The following INPP4B variants were observed in gnomAD, a reference collection of about 807,000 sequenced individuals.
INPP4B encodes the protein inositol polyphosphate 4-phosphatase type II.
In INPP4B, 55 loss-of-function variants were observed where a neutral mutation model predicts 122.5. The ratio of observed to expected loss-of-function variants is 0.45; its 90% CI spans 0.36 to 0.56. The LOEUF is 0.56. Ranked by LOEUF, INPP4B falls within the 20% of genes least tolerant of loss-of-function variation. INPP4B has a pLI of 0.00. For synonymous variants in INPP4B, 403 were observed against 388.7 expected, an observed-to-expected ratio of 1.04 and a Z score of -0.43; for missense variants, 1,000 against 1,097.7, an observed-to-expected ratio of 0.91 and a Z score of 1.26.
chr4:142,263,639 A>AATATATATATATATATATATAT (rs36227189), intron 10 of INPP4B, among the ~76,000 whole-genome samples: 1 of 41,838 alleles, frequency 2.4e-5, no homozygotes, highest in African/African-American at 5.6e-5. Flanking sequence ...AAATTCGTAA[A>AATATATATATATATATATATAT]ATATATATAT....
At chr4:142,319,187 G>T (rs933282905) in intron 7 of INPP4B, among the ~76,000 whole-genome samples, 1 of 152,136 alleles carries the variant, frequency 6.6e-6, no homozygotes, top group African/African-American at 2.4e-5. Flanking sequence ...TCTGCTCATT[G>T]GTAGGTGAGG....
At chr4:142,293,998 C>G (rs1334971201) in intron 9 of INPP4B, among the ~76,000 whole-genome samples, 1 of 152,040 alleles carries the variant, frequency 6.6e-6, no homozygotes, top group South Asian at 2.1e-4. Flanking sequence ...AATGTGTACA[C>G]GTGGATACAG....
intron 2 of INPP4B, among the ~76,000 whole-genome samples, chr4:142,508,168 CA>C: frequency 6.6e-6 from 1 of 152,200 alleles, no homozygotes; most frequent in East Asian, 1.9e-4. Context: ...GCCTAACTTC[CA>C]CGAGCTCCAA....
At chr4:142,519,234 C>T (rs142550091) in intron 2 of INPP4B, among the ~76,000 whole-genome samples, 47 of 152,174 alleles carry the variant, frequency 3.1e-4, no homozygotes, top group African/African-American at 1.1e-3. Context: ...TTATTTGTGT[C>T]CATTGCTATA....
At chr4:142,305,618 T>A in intron 8 of INPP4B, 81 bp from the exon 9 acceptor site, 1 of 1,505,430 alleles carries the variant, frequency 6.6e-7, no homozygotes, top group Non-Finnish European at 9.1e-7. Context: ...ACAAAATGAG[T>A]CTTTAGAAGA....
intron 2 of INPP4B, among the ~76,000 whole-genome samples, chr4:142,618,330 A>G (rs954212562): frequency 6.6e-6 from 1 of 152,148 alleles, no homozygotes; most frequent in Non-Finnish European, 1.5e-5. Context: ...GTTTCAAAAT[A>G]TAATACAAAG....
At chr4:142,376,016 G>T (rs1255919610) in intron 7 of INPP4B, among the ~76,000 whole-genome samples, 1 of 151,770 alleles carries the variant, frequency 6.6e-6, no homozygotes, top group African/African-American at 2.4e-5. Context: ...TTTCTACATG[G>T]ATATCCATCT....
intron 12 of INPP4B, among the ~76,000 whole-genome samples, chr4:142,233,532 A>T (rs181093443): frequency 6.6e-6 from 1 of 152,280 alleles, no homozygotes; most frequent in Admixed American, 6.5e-5. Context: ...GCAACTATTG[A>T]AACATAATGG....
chr4:142,735,508 A>G (rs759160471), intron 1 of INPP4B, among the ~76,000 whole-genome samples: 4 of 152,204 alleles, frequency 2.6e-5, no homozygotes, highest in East Asian at 1.9e-4. Context: ...TTGGCTGATT[A>G]CACTATTATC....
intron 2 of INPP4B, among the ~76,000 whole-genome samples, chr4:142,651,573 T>C (rs1188983166): frequency 6.6e-6 from 1 of 152,058 alleles, no homozygotes; most frequent in Non-Finnish European, 1.5e-5. Context: ...CAAACTACCA[T>C]CAGAGAATAC....
intron 2 of INPP4B, among the ~76,000 whole-genome samples, chr4:142,670,300 C>G (rs1280938066): frequency 6.6e-6 from 1 of 151,942 alleles, no homozygotes; most frequent in Non-Finnish European, 1.5e-5. Context: ...GTTATATATG[C>G]AAAATAATTA....
At chr4:142,733,288 A>G (rs938723516) in intron 1 of INPP4B, among the ~76,000 whole-genome samples, 1 of 152,172 alleles carries the variant, frequency 6.6e-6, no homozygotes, top group Non-Finnish European at 1.5e-5. Context: ...CGTCAAGGGA[A>G]AACATTAAAG....
Position 142,671,330 on chromosome 4 carries a change from C to T in INPP4B, c.-191+54509G>A, listed in dbSNP as rs887604711. Among the ~76,000 whole-genome samples the T allele has an allele frequency of 4.6e-5, 7 of 152,278 alleles. No homozygotes were observed. In the East Asian group the frequency reaches 1.2e-3, roughly 25 times the overall value. On this transcript the variant is annotated intron_variant, in intron 2 of 25. Coordinates refer to ENST00000262992, the MANE Select transcript of INPP4B (RefSeq NM_001101669.3). ...ATTACATACAACCTTTTCAGCACAA[C>T]ATCATATGACCCAACTTTCCTTTGC...
chr4:142,759,824 C>CCAAAAA (rs1771041296), intron 1 of INPP4B, among the ~76,000 whole-genome samples: 1 of 26,354 alleles, frequency 3.8e-5, no homozygotes, highest in Non-Finnish European at 6.5e-5. Flanking sequence ...AGAGCTTTTT[C>CCAAAAA]TAAAAAAAAA....
chr4:142,332,532 G>A (rs987712895), intron 7 of INPP4B, among the ~76,000 whole-genome samples: 1 of 151,848 alleles, frequency 6.6e-6, no homozygotes, highest in Non-Finnish European at 1.5e-5. Flanking sequence ...TAAAAAAAAA[G>A]TTGCTTAAAA....
chr4:142,054,005 T>C (rs1756104918), intron 25 of INPP4B, among the ~76,000 whole-genome samples: 1 of 134,378 alleles, frequency 7.4e-6, no homozygotes, highest in Non-Finnish European at 1.7e-5. Context: ...ACTGGGGAGA[T>C]CTGCTCTGTT....
intron 1 of INPP4B, among the ~76,000 whole-genome samples, chr4:142,772,618 C>A (rs1227813195): frequency 6.6e-6 from 1 of 152,122 alleles, no homozygotes. Flanking sequence ...ATAAACACAA[C>A]ACAAACCCAA....
At chr4:142,274,835 C>T (rs776280768) in intron 9 of INPP4B, among the ~76,000 whole-genome samples, 12 of 150,578 alleles carry the variant, frequency 8.0e-5, no homozygotes, top group South Asian at 4.3e-4. Context: ...CACTGTTTAA[C>T]GCAGAAAGCA....
intron 3 of INPP4B, among the ~76,000 whole-genome samples, chr4:142,438,960 C>CTCATCT (rs1811127211): frequency 6.6e-6 from 1 of 152,130 alleles, no homozygotes; most frequent in Non-Finnish European, 1.5e-5. Context: ...AAATCACAGA[C>CTCATCT]ATAAAATCTA....
Sources: allele counts gnomAD v4.1 joint callset (sites outside exome capture counted in the v4.1 genomes callset), GRCh38; gene constraint gnomAD v4.1.1; transcripts MANE v1.5; gene names NCBI Gene and HGNC (gene_info 2026-07-23, HGNC 2026-07-21).